Variants in XRCC4 observed in about 807,000 individuals in gnomAD.
XRCC4 encodes the protein DNA repair protein XRCC4.
In XRCC4, 28 loss-of-function variants were observed where a neutral mutation model predicts 39.1. The observed-to-expected ratio is 0.72, with a 90% CI of 0.53 to 0.98. The LOEUF (loss-of-function observed/expected upper bound fraction) is 0.98. XRCC4 is among the 50% of genes least tolerant of loss of function. The probability of loss-of-function intolerance (pLI) is 0.00; values close to 1 mark genes in which losing one functional copy is unlikely to be tolerated. For missense variants in XRCC4, 350 were observed against 376.4 expected (o/e 0.93, Z 0.58); for synonymous variants, 123 against 126.4 (o/e 0.97, Z 0.18).
chr5:83,257,344 GA>G (rs113339160), intron 6 of XRCC4, among the ~76,000 whole-genome samples: 24,575 of 141,706 alleles, frequency 0.17, 4,013 homozygotes, highest in African/African-American at 0.44. Context: ...AAATTTACAA[GA>G]AAAAAAAAAA....
intron 3 of XRCC4, among the ~76,000 whole-genome samples, chr5:83,157,719 A>G (rs1451604537): frequency 2.0e-5 from 3 of 152,106 alleles, no homozygotes; most frequent in Non-Finnish European, 4.4e-5. Flanking sequence ...AAACAGAAGC[A>G]GTCTTCCAGG....
At chr5:83,163,098 C>G (rs970349228) in intron 3 of XRCC4, among the ~76,000 whole-genome samples, 9 of 151,798 alleles carry the variant, frequency 5.9e-5, no homozygotes, top group African/African-American at 2.2e-4. Flanking sequence ...AAGCATGTGC[C>G]ACCACATCTG....
At chr5:83,345,795 C>T (rs1187402485) in intron 7 of XRCC4, among the ~76,000 whole-genome samples, 1 of 152,160 alleles carries the variant, frequency 6.6e-6, no homozygotes, top group Non-Finnish European at 1.5e-5. Context: ...ACTAATTTAA[C>T]TCCTATAAAG....
chr5:83,282,778 C>CTT, intron 7 of XRCC4, among the ~76,000 whole-genome samples: 1 of 152,138 alleles, frequency 6.6e-6, no homozygotes, highest in East Asian at 1.9e-4. Context: ...GAAGGTGGAG[C>CTT]TTGCAGTGAG....
At chr5:83,084,170 T>G (rs1314250230) in intron 1 of XRCC4, among the ~76,000 whole-genome samples, 1 of 152,202 alleles carries the variant, frequency 6.6e-6, no homozygotes, top group Admixed American at 6.5e-5. Context: ...GTCTTTTGAG[T>G]GTAAAATCAA....
chr5:83,148,932 T>G (rs143435396), intron 3 of XRCC4, among the ~76,000 whole-genome samples: 23 of 152,292 alleles, frequency 1.5e-4, no homozygotes, highest in African/African-American at 5.3e-4. Context: ...GTAACAGTGT[T>G]TAACAAACTG....
At chr5:83,195,311 ACT>A (rs1471749929) in intron 3 of XRCC4, among the ~76,000 whole-genome samples, 1 of 152,046 alleles carries the variant, frequency 6.6e-6, no homozygotes, top group Non-Finnish European at 1.5e-5. Flanking sequence ...GTTTCCTAAA[ACT>A]CTACCTTTCT....
At chr5:83,328,090 C>T (rs1756322708) in intron 7 of XRCC4, among the ~76,000 whole-genome samples, 2 of 151,950 alleles carry the variant, frequency 1.3e-5, no homozygotes, top group Non-Finnish European at 2.9e-5. Flanking sequence ...AGAATCATGG[C>T]GGGAGGCAAA....
intron 6 of XRCC4, among the ~76,000 whole-genome samples, chr5:83,222,301 G>A (rs1468687385): frequency 6.6e-6 from 1 of 151,916 alleles, no homozygotes; most frequent in Non-Finnish European, 1.5e-5. Context: ...TCTACAGATG[G>A]CAACATATCC....
chr5:83,266,594 T>C (rs1295117446), intron 7 of XRCC4, among the ~76,000 whole-genome samples: 1 of 151,886 alleles, frequency 6.6e-6, no homozygotes, highest in Non-Finnish European at 1.5e-5. Flanking sequence ...TTTTGGAAAA[T>C]TGTTACTAAA....
intron 6 of XRCC4, among the ~76,000 whole-genome samples, chr5:83,219,179 T>A (rs1208483028): frequency 6.6e-6 from 1 of 152,190 alleles, no homozygotes; most frequent in South Asian, 2.1e-4. Flanking sequence ...ACCAGTCATA[T>A]TGGATTAGGG....
intron 7 of XRCC4, among the ~76,000 whole-genome samples, chr5:83,316,538 G>A (rs1269494192): frequency 6.6e-6 from 1 of 150,986 alleles, no homozygotes; most frequent in Non-Finnish European, 1.5e-5. Flanking sequence ...ACAAAAAAAG[G>A]CAGGGGTTGC....
intron 6 of XRCC4, among the ~76,000 whole-genome samples, chr5:83,223,765 C>T (rs190322810): frequency 7.5e-4 from 114 of 151,916 alleles, no homozygotes; most frequent in African/African-American, 2.3e-3. Flanking sequence ...ATGTGCCATG[C>T]TGGTGTGCTG....
At chr5:83,363,785 C>T in the XRCC4 span, among the ~76,000 whole-genome samples, 1 of 152,210 alleles carries the variant, frequency 6.6e-6, no homozygotes, top group African/African-American at 2.4e-5. Context: ...GTGGAATTGA[C>T]TTCCTTTTTT....
At chr5:83,155,221 A>G (rs770125236) in intron 3 of XRCC4, among the ~76,000 whole-genome samples, 3 of 152,124 alleles carry the variant, frequency 2.0e-5, no homozygotes, top group Non-Finnish European at 4.4e-5. Flanking sequence ...AAATACACTC[A>G]TATCATGAGT....
the XRCC4 span, among the ~76,000 whole-genome samples, chr5:83,372,540 G>A: frequency 6.6e-6 from 1 of 152,130 alleles, no homozygotes; most frequent in Non-Finnish European, 1.5e-5. Context: ...TGAGGGGTCT[G>A]TAAATCCATA....
intron 3 of XRCC4, among the ~76,000 whole-genome samples, chr5:83,172,283 G>A (rs1312555577): frequency 6.6e-6 from 1 of 152,110 alleles, no homozygotes; most frequent in Non-Finnish European, 1.5e-5. Context: ...GCTTTCTGTT[G>A]ACATCCATCG....
chr5:83,301,218 T>C (rs1242051280), intron 7 of XRCC4, among the ~76,000 whole-genome samples: 1 of 152,242 alleles, frequency 6.6e-6, no homozygotes, highest in Non-Finnish European at 1.5e-5. Context: ...TGTTTCTGTT[T>C]TGCCACATCC....
chr5:83,208,901 G>C (rs902625960), intron 6 of XRCC4, among the ~76,000 whole-genome samples: 38 of 152,086 alleles, frequency 2.5e-4, no homozygotes, highest in African/African-American at 8.9e-4. Flanking sequence ...GGATTTTATA[G>C]GTATTTCACT....
Sources: allele counts gnomAD v4.1 joint callset (sites outside exome capture counted in the v4.1 genomes callset), GRCh38; gene constraint gnomAD v4.1.1; transcripts MANE v1.5; gene names NCBI Gene and HGNC (gene_info 2026-07-23, HGNC 2026-07-21).